Variants in DCC observed in about 807,000 individuals in gnomAD.
The protein encoded by DCC is DCC netrin 1 receptor.
Under a neutral mutation model 172.5 loss-of-function variants are expected in DCC, and 58 were observed. That is an observed-to-expected ratio of 0.34 (90% CI 0.27 to 0.42). The LOEUF (loss-of-function observed/expected upper bound fraction) is 0.42, where lower values mean the gene tolerates loss of function less well. Among genes scored for constraint, DCC ranks in the 10% least tolerant of loss-of-function variants. The pLI, the probability that DCC is intolerant of heterozygous loss-of-function variation, is 1.00. For synonymous variants in DCC, 709 were observed against 644.5 expected, an observed-to-expected ratio of 1.10 and a Z score of -1.52; for missense variants, 1,740 against 1,791.0, an observed-to-expected ratio of 0.97 and a Z score of 0.51.
intron 2 of DCC, among the ~76,000 whole-genome samples, chr18:52,770,375 T>C (rs1430663337): frequency 1.3e-5 from 2 of 152,348 alleles, no homozygotes; most frequent in African/African-American, 4.8e-5. Context: ...TTTCTTTCTC[T>C]GAGCTATCTG....
At chr18:52,944,722 G>C (rs1208419804) in intron 5 of DCC, among the ~76,000 whole-genome samples, 1 of 152,122 alleles carries the variant, frequency 6.6e-6, no homozygotes. Context: ...TATACAGGAA[G>C]AGAATCAGCA....
At chr18:52,473,368 G>T (rs1160153279) in intron 1 of DCC, among the ~76,000 whole-genome samples, 1 of 152,134 alleles carries the variant, frequency 6.6e-6, no homozygotes, top group African/African-American at 2.4e-5. Context: ...AAGTCAATTG[G>T]CATCTCCAAT....
intron 1 of DCC, among the ~76,000 whole-genome samples, chr18:52,547,716 G>A (rs1041463777): frequency 5.3e-5 from 8 of 152,064 alleles, no homozygotes; most frequent in Non-Finnish European, 1.2e-4. Flanking sequence ...GAAAAGAGGG[G>A]GCATGTTAAG....
intron 19 of DCC, among the ~76,000 whole-genome samples, chr18:53,404,583 T>C: frequency 6.6e-6 from 1 of 151,706 alleles, no homozygotes; most frequent in Non-Finnish European, 1.5e-5. Context: ...TACGAAAAAT[T>C]AGCCGGGCGT....
chr18:53,417,603 TCTTTA>T (rs1910393672), intron 21 of DCC, among the ~76,000 whole-genome samples: 1 of 152,140 alleles, frequency 6.6e-6, no homozygotes, highest in South Asian at 2.1e-4. Flanking sequence ...CTCATAACCT[TCTTTA>T]CTTAAATAAA....
chr18:52,832,347 A>G (rs1369777924), intron 2 of DCC, among the ~76,000 whole-genome samples: 1 of 152,130 alleles, frequency 6.6e-6, no homozygotes, highest in African/African-American at 2.4e-5. Context: ...CTCATAAATG[A>G]GAACTCTATT....
chr18:53,018,444 T>C (rs999528523), intron 5 of DCC, among the ~76,000 whole-genome samples: 1 of 152,214 alleles, frequency 6.6e-6, no homozygotes, highest in Non-Finnish European at 1.5e-5. Context: ...CAAAAGTGTT[T>C]ACATATTCCA....
At chr18:53,041,649 T>C (rs1381482017) in intron 5 of DCC, among the ~76,000 whole-genome samples, 2 of 152,122 alleles carry the variant, frequency 1.3e-5, no homozygotes, top group African/African-American at 2.4e-5. Flanking sequence ...TCCATGAGCA[T>C]GGACTATTTT....
chr18:52,975,851 T>C (rs1419798371), intron 5 of DCC, among the ~76,000 whole-genome samples: 2 of 152,188 alleles, frequency 1.3e-5, no homozygotes, highest in Non-Finnish European at 2.9e-5. Context: ...TATAATGATT[T>C]TTATTTCTTT....
At chr18:53,419,825 C>CT (rs112418108) in intron 21 of DCC, among the ~76,000 whole-genome samples, 28 of 149,364 alleles carry the variant, frequency 1.9e-4, no homozygotes, top group Admixed American at 4.0e-4. Flanking sequence ...TTCCAAAAGC[C>CT]TTTTTTTTTT....
At chr18:53,091,859 CTATATATA>C (rs35776447) in intron 7 of DCC, among the ~76,000 whole-genome samples, 106 of 141,108 alleles carry the variant, frequency 7.5e-4, no homozygotes, top group African/African-American at 2.2e-3. Flanking sequence ...ATCAATCTAT[CTATATATA>C]TATATATATC....
At chr18:53,428,346 A>G (rs1282485429) in intron 21 of DCC, among the ~76,000 whole-genome samples, 1 of 66,738 alleles carries the variant, frequency 1.5e-5, no homozygotes, top group Non-Finnish European at 2.9e-5. Context: ...TGTATATAAT[A>G]TAATATATGT....
intron 1 of DCC, among the ~76,000 whole-genome samples, chr18:52,529,965 G>A (rs1453380662): frequency 6.6e-6 from 1 of 152,030 alleles, no homozygotes; most frequent in Non-Finnish European, 1.5e-5. Context: ...GAAAATTTTA[G>A]CAAAGTCTAT....
chr18:53,198,697 T>G (rs2055488303), intron 9 of DCC, among the ~76,000 whole-genome samples: 1 of 152,210 alleles, frequency 6.6e-6, no homozygotes. Context: ...ACATAAGTAC[T>G]TAATTTGTTC....
intron 2 of DCC, among the ~76,000 whole-genome samples, chr18:52,861,719 T>G (rs1383003066): frequency 2.6e-5 from 4 of 152,214 alleles, no homozygotes; most frequent in African/African-American, 9.6e-5. Flanking sequence ...TAACTTATTC[T>G]GCTTGCTGTT....
chr18:53,507,463 A>ACTT lies in DCC; in HGVS notation c.4111+7954_4111+7956dup, dbSNP rs1387022178. Among the ~76,000 whole-genome samples, 31 of 152,336 alleles carry ACTT rather than the reference A, an allele frequency of 2.0e-4. No individual in the cohort carries two copies. The East Asian group carries it at 5.0e-3, about 25-fold the overall frequency. ...TATAACTCTTATCTTACTAGCAGGG[A>ACTT]CTTATAAACGAATTCAGGTGTCATG... On this transcript the variant is annotated intron_variant, in intron 27 of 28. Transcript: ENST00000442544.
At chr18:52,794,362 C>CT (rs1406685390) in intron 2 of DCC, among the ~76,000 whole-genome samples, 5 of 151,838 alleles carry the variant, frequency 3.3e-5, no homozygotes, top group Non-Finnish European at 7.4e-5. Context: ...TTGTAGAAGT[C>CT]TTTTGCATCC....
At chr18:53,410,297 T>G (rs921233335) in intron 19 of DCC, among the ~76,000 whole-genome samples, 155 bp from the exon 20 acceptor site, 5 of 152,132 alleles carry the variant, frequency 3.3e-5, no homozygotes, top group African/African-American at 1.2e-4. Flanking sequence ...ATCCTTGCAT[T>G]ATGAAAAAAA....
chr18:52,463,866 G>T (rs1988704260), intron 1 of DCC, among the ~76,000 whole-genome samples: 1 of 152,184 alleles, frequency 6.6e-6, no homozygotes, highest in African/African-American at 2.4e-5. Flanking sequence ...ATTTTTAAGT[G>T]TTTTAATAGC....
Sources: allele counts gnomAD v4.1 joint callset (sites outside exome capture counted in the v4.1 genomes callset), GRCh38; gene constraint gnomAD v4.1.1; transcripts MANE v1.5; gene names NCBI Gene and HGNC (gene_info 2026-07-23, HGNC 2026-07-21).